Variants in DMD observed in about 807,000 individuals in gnomAD.
The protein encoded by DMD is mutant dystrophin.
In DMD, 63 loss-of-function variants were observed where a neutral mutation model predicts 330.1. The observed-to-expected ratio is 0.19, with a 90% CI of 0.16 to 0.24. The LOEUF is 0.24. DMD is among the 10% of genes least tolerant of loss of function. DMD has a pLI of 1.00. For synonymous variants in DMD, 1,223 were observed against 959.8 expected (o/e 1.27, Z -5.07); for missense variants, 3,344 against 2,684.1 (o/e 1.25, Z -5.43).
In DMD at chrX:31,348,605, C is replaced by T. The variant is rs770985402; in HGVS notation, c.9114G>A (p.Leu3038=). 8.3e-7 allele frequency: 1 copy of T among 1,210,986 alleles called. No homozygotes were observed. Among genetic ancestry groups the T allele is most frequent in the Non-Finnish European group, 1.1e-6 (1 of 895,061 alleles). The part of the protein sequence containing the change: ...QVAVEDRVRQ[L]HEAHRDFGPA... Reference sequence around the variant, plus strand: ...GACCAAAGTCCCTGTGGGCTTCATGCAGCTGCCTGACTCGGTCCTCGACGG... The same window carrying T: ...GACCAAAGTCCCTGTGGGCTTCATGTAGCTGCCTGACTCGGTCCTCGACGG... Residue 3038 remains leucine (L), a synonymous_variant, in exon 61 of 79, where the codon CTG becomes CTA. Transcript: ENST00000357033.
chrX:32,491,962 A>G (rs1051075722), intron 19 of DMD, among the ~76,000 whole-genome samples: 2 of 111,707 alleles, frequency 1.8e-5, no homozygotes, highest in Non-Finnish European at 3.8e-5. Context: ...CTTGGAAATT[A>G]GTTTAAATAG....
intron 7 of DMD, among the ~76,000 whole-genome samples, chrX:32,714,278 C>T (rs2065465868): frequency 9.0e-6 from 1 of 111,233 alleles, no homozygotes; most frequent in African/African-American, 3.3e-5. Context: ...CACAAATAGT[C>T]TACAATGTAC....
chrX:32,563,137 G>A (rs775016601), intron 16 of DMD, among the ~76,000 whole-genome samples: 2 of 109,738 alleles, frequency 1.8e-5, no homozygotes, highest in South Asian at 7.9e-4. Context: ...TCAGGAGATC[G>A]AGACCACCCT....
intron 47 of DMD, among the ~76,000 whole-genome samples, chrX:31,906,648 T>A (rs2094482103): frequency 8.9e-6 from 1 of 112,092 alleles, no homozygotes; most frequent in African/African-American, 3.2e-5. Flanking sequence ...TAACATTGAG[T>A]GAACATATTA....
At chrX:31,231,313 A>ATACACATATGTT (rs201610066) in intron 63 of DMD, among the ~76,000 whole-genome samples, 1,273 of 110,956 alleles carry the variant, frequency 0.011, 17 homozygotes, top group African/African-American at 0.04. Context: ...ACATATTTAA[A>ATACACATATGTT]TACATATTTT....
chrX:31,556,890 T>C (rs1325502412), intron 55 of DMD, among the ~76,000 whole-genome samples: 1 of 111,597 alleles, frequency 9.0e-6, no homozygotes, highest in Non-Finnish European at 1.9e-5. Context: ...ACTATAAAAT[T>C]AAATATGCAA....
At chrX:32,224,697 G>T (rs1315004032) in intron 43 of DMD, among the ~76,000 whole-genome samples, 2 of 111,491 alleles carry the variant, frequency 1.8e-5, no homozygotes, top group Non-Finnish European at 3.8e-5. Context: ...TACAACTCTG[G>T]ATTGACATTA....
At chrX:32,065,994 A>G (rs1386740686) in intron 44 of DMD, among the ~76,000 whole-genome samples, 1 of 111,585 alleles carries the variant, frequency 9.0e-6, no homozygotes, top group Non-Finnish European at 1.9e-5. Flanking sequence ...TTTCTTAAAC[A>G]TGACATATCC....
rs114234605 is a variant in DMD at position 32,595,649 on chromosome X, T to C, written c.1602+108A>G. On this transcript the variant is annotated intron_variant, in intron 13 of 78. Coordinates refer to ENST00000357033, the MANE Select transcript of DMD (RefSeq NM_004006.3). The stretch of plus-strand genomic sequence containing the variant: ...GTGTGTGTATATTGTACACATATTG[T>C]ATTCTAAGTATTTTAATATATAAAT... 815 of 746,573 alleles carry C rather than the reference T, an allele frequency of 1.1e-3. 7 individuals are homozygous for C. The African/African-American group carries it at 0.015, about 13-fold the overall frequency. 61.5% of individuals were successfully genotyped at this position (746,573 alleles called of 1,213,427 possible).
chrX:31,925,099 TC>T (rs2094750881), intron 47 of DMD, among the ~76,000 whole-genome samples: 1 of 111,935 alleles, frequency 8.9e-6, no homozygotes, highest in African/African-American at 3.2e-5. Context: ...CAGAGAAGGT[TC>T]TAGAAAGTAA....
At chrX:33,321,240 C>T (rs2054010160) in intron 1 of DMD, among the ~76,000 whole-genome samples, 1 of 111,277 alleles carries the variant, frequency 9.0e-6, no homozygotes, top group Non-Finnish European at 1.9e-5. Context: ...TTATTATTTA[C>T]AGCAGCTATA....
intron 43 of DMD, among the ~76,000 whole-genome samples, chrX:32,282,939 C>A (rs1306396997): frequency 8.9e-6 from 1 of 112,012 alleles, no homozygotes; most frequent in African/African-American, 3.2e-5. Context: ...CATCTCTCCC[C>A]CCTTCCACTG....
chrX:31,898,698 T>C (rs1294221080), intron 47 of DMD, among the ~76,000 whole-genome samples: 1 of 112,156 alleles, frequency 8.9e-6, no homozygotes, highest in Non-Finnish European at 1.9e-5. Context: ...CAATTTCTTT[T>C]CTTAAGGAAT....
chrX:32,804,820 A>G (rs1161365930), intron 7 of DMD, among the ~76,000 whole-genome samples: 2 of 111,983 alleles, frequency 1.8e-5, no homozygotes, highest in Admixed American at 1.9e-4. Context: ...TGCTGGTGAT[A>G]CCCAGGCAAA....
At chrX:32,360,655 C>T (rs893053694) in intron 37 of DMD, among the ~76,000 whole-genome samples, 6 of 108,339 alleles carry the variant, frequency 5.5e-5, no homozygotes, top group Admixed American at 1.0e-4. Context: ...GGTGTCACGG[C>T]GCCCGCCCGT....
chrX:32,443,573 T>C (rs763132735), intron 27 of DMD, among the ~76,000 whole-genome samples: 1 of 110,900 alleles, frequency 9.0e-6, no homozygotes, highest in African/African-American at 3.3e-5. Context: ...TTATTAACTT[T>C]GGTGCAGATT....
intron 62 of DMD, among the ~76,000 whole-genome samples, chrX:31,316,516 G>A (rs1172653678): frequency 9.0e-6 from 1 of 111,326 alleles, no homozygotes; most frequent in Non-Finnish European, 1.9e-5. Context: ...ATGAACCTAT[G>A]AGACACAGAT....
intron 2 of DMD, among the ~76,000 whole-genome samples, chrX:32,930,376 T>C (rs1417255100): frequency 7.3e-5 from 8 of 110,246 alleles, no homozygotes; most frequent in Non-Finnish European, 1.3e-4. Context: ...AATAAAAATA[T>C]ATGATACGGT....
At chrX:31,629,524 C>G (rs1004439409) in intron 54 of DMD, among the ~76,000 whole-genome samples, 5 of 111,864 alleles carry the variant, frequency 4.5e-5, no homozygotes, top group African/African-American at 1.3e-4. Context: ...AACTTTAATA[C>G]TGCACAGCTG....
Sources: gnomAD v4.1 joint callset for allele counts (sites outside exome capture counted in the v4.1 genomes callset) on GRCh38, gnomAD v4.1.1 for gene constraint, MANE v1.5 for transcripts, NCBI Gene and HGNC (gene_info 2026-07-23, HGNC 2026-07-21) for gene names.